Variants in AXIN1 observed in about 807,000 individuals in gnomAD.
The protein encoded by AXIN1 is axin 1, also known as axin-1.
In AXIN1, 30 loss-of-function variants were observed where a neutral mutation model predicts 76.4. The observed-to-expected ratio is 0.39, with a 90% CI of 0.29 to 0.53. The LOEUF (loss-of-function observed/expected upper bound fraction) is 0.53. AXIN1 is among the 20% of genes least tolerant of loss of function. The pLI, the probability that AXIN1 is intolerant of heterozygous loss-of-function variation, is 0.66. For synonymous variants in AXIN1, 545 were observed against 501.4 expected (o/e 1.09, Z -1.16); for missense variants, 1,140 against 1,198.8 (o/e 0.95, Z 0.72).
intron 3 of AXIN1, among the ~76,000 whole-genome samples, chr16:313,722 G>C (rs908309563): frequency 7.9e-5 from 12 of 152,258 alleles, no homozygotes; most frequent in African/African-American, 2.9e-4. Context: ...CTGGCAGCCA[G>C]TGCCCTACTG....
In AXIN1 at chr16:301,642, T is replaced by A. The variant is rs562405898; in HGVS notation, c.1254+2662A>T. 1.5e-4 allele frequency among the ~76,000 whole-genome samples: 23 copies of A among 152,198 alleles called. 1 individual carries two copies. Among genetic ancestry groups the A allele is most frequent in the African/African-American group, 3.9e-4 (16 of 41,530 alleles). ...TCCATCTCTACAAAAATATTTTTTT[T>A]AAAAAATGTCTCACTCAAAATGGGA... On this transcript the variant is annotated intron_variant, in intron 5 of 10. Coordinates refer to ENST00000262320, the MANE Select transcript of AXIN1 (RefSeq NM_003502.4).
Position 287,953 on chromosome 16 carries a change from C to T in AXIN1, c.*169G>A. 1 of 1,107,498 alleles carries T rather than the reference C, an allele frequency of 9.0e-7. No homozygotes were observed. Among genetic ancestry groups the T allele is most frequent in the Non-Finnish European group, 1.3e-6 (1 of 744,988 alleles). The allele number at this position is 1,107,498 out of a possible 1,614,324, so 68.6% of individuals were successfully genotyped here. On this transcript the variant is annotated 3_prime_UTR_variant, in exon 11 of 11. Transcript: ENST00000262320. Reference sequence around the variant, plus strand: ...GGGGGCAGGACAGAAGCTTGTGGACCACTTGGAGGGACCCCCTACCTGCCT... The same window carrying T: ...GGGGGCAGGACAGAAGCTTGTGGACTACTTGGAGGGACCCCCTACCTGCCT...
intron 3 of AXIN1, among the ~76,000 whole-genome samples, chr16:314,077 G>A (rs2053244336): frequency 6.6e-6 from 1 of 152,226 alleles, no homozygotes; most frequent in South Asian, 2.1e-4. Flanking sequence ...GCCTGTGCCT[G>A]TCTTTAAGCT....
chr16:309,606 G>A (rs1458689805), intron 4 of AXIN1, among the ~76,000 whole-genome samples: 2 of 152,200 alleles, frequency 1.3e-5, no homozygotes, highest in Non-Finnish European at 2.9e-5. Context: ...TTTTCCCCAA[G>A]GGCTGTGCAG....
intron 2 of AXIN1, among the ~76,000 whole-genome samples, chr16:332,944 A>T (rs986345550): frequency 6.6e-6 from 1 of 152,172 alleles, no homozygotes; most frequent in African/African-American, 2.4e-5. Flanking sequence ...CAACTCTCTG[A>T]GAGGCCAAAG....
chr16:331,286 T>C (rs1479246008), intron 2 of AXIN1, among the ~76,000 whole-genome samples: 2 of 152,230 alleles, frequency 1.3e-5, no homozygotes, highest in African/African-American at 2.4e-5. Flanking sequence ...GTTTGTTCCC[T>C]TGAAGTAATT....
chr16:323,984 G>T (rs1421654537), intron 2 of AXIN1, among the ~76,000 whole-genome samples: 1 of 152,156 alleles, frequency 6.6e-6, no homozygotes, highest in African/African-American at 2.4e-5. Flanking sequence ...GAGCCCCAAA[G>T]CCCACAGGAG....
intron 2 of AXIN1, among the ~76,000 whole-genome samples, chr16:324,825 G>A (rs1375154116): frequency 1.3e-5 from 2 of 152,158 alleles, no homozygotes; most frequent in African/African-American, 4.8e-5. Context: ...TCCGGCAGCC[G>A]CAGGCCCTTC....
chr16:319,872 G>T (rs2053400442), intron 2 of AXIN1, among the ~76,000 whole-genome samples: 1 of 152,162 alleles, frequency 6.6e-6, no homozygotes, highest in Non-Finnish European at 1.5e-5. Context: ...TGATGTGGAG[G>T]GAGCTGGGCC....
chr16:293,480 G>T lies in AXIN1; in HGVS notation c.2186+8C>A, dbSNP rs760350122. ...CAAGACCCACCCCACCCCACGACGC[G>T]GCCGTACCTCTGCTTGGAGGGTGCT... is the stretch of plus-strand genomic sequence containing the variant. On this transcript the variant is annotated splice_region_variant and intron_variant, in intron 8 of 10. Transcript: ENST00000262320. This position sits in a 1 kb window ranked among gnomAD's most constrained non-coding sequence, Gnocchi z 4.6. The T allele has an allele frequency of 6.2e-7, 1 of 1,607,732 alleles. No homozygotes were observed.
intron 4 of AXIN1, among the ~76,000 whole-genome samples, chr16:306,452 G>A (rs1267178973): frequency 6.6e-6 from 1 of 152,246 alleles, no homozygotes; most frequent in Non-Finnish European, 1.5e-5. Context: ...AAGCAGGGTG[G>A]CAGATGGGAG....
intron 2 of AXIN1, among the ~76,000 whole-genome samples, chr16:334,703 A>G (rs1283609717): frequency 2.0e-5 from 3 of 151,634 alleles, no homozygotes; most frequent in Non-Finnish European, 4.4e-5. Flanking sequence ...CAGCACACCA[A>G]TAACATAGCA....
At chr16:308,433 C>T (rs751101212) in intron 4 of AXIN1, among the ~76,000 whole-genome samples, 4 of 152,220 alleles carry the variant, frequency 2.6e-5, no homozygotes, top group Non-Finnish European at 4.4e-5. Context: ...TTTCTACACA[C>T]GAAGACTCTG....
intron 1 of AXIN1, among the ~76,000 whole-genome samples, chr16:350,914 C>T (rs1445966053): frequency 6.6e-6 from 1 of 152,044 alleles, no homozygotes; most frequent in African/African-American, 2.4e-5. Flanking sequence ...GGCGGATCAC[C>T]TGAGGTCGGG....
intron 5 of AXIN1, among the ~76,000 whole-genome samples, chr16:301,527 G>A (rs1002073480): frequency 4.6e-5 from 7 of 151,992 alleles, no homozygotes; most frequent in South Asian, 4.2e-4. Context: ...ACGGTGGCTC[G>A]TGCCTGAAAT....
rs1432364146 is a variant in AXIN1 at position 289,076 on chromosome 16, TTTC to T, written c.2462+361_2462+363del. On this transcript the variant is annotated intron_variant, in intron 10 of 10. Coordinates refer to ENST00000262320, the MANE Select transcript of AXIN1 (RefSeq NM_003502.4). ...TGAGCTGAAATGGCCGGAAGCCCTT[TTTC>T]TTCTTTTTTTTTTTTTGGGCGGGGG... 4.7e-4 allele frequency among the ~76,000 whole-genome samples: 66 copies of T among 141,686 alleles called. 1 individual carries two copies. The highest frequency in any genetic ancestry group is 6.4e-4 in the African/African-American group (23 of 36,062). The allele number at this position is 141,686 out of a possible 152,430, so 93.0% of individuals were successfully genotyped here.
intron 3 of AXIN1, among the ~76,000 whole-genome samples, chr16:312,079 C>T (rs571349644): frequency 1.7e-4 from 26 of 152,288 alleles, no homozygotes; most frequent in African/African-American, 5.3e-4. Flanking sequence ...GTCCTGAAGC[C>T]ACCAACCTAC....
Position 347,106 on chromosome 16 carries a change from C to T in AXIN1, c.-81G>A, listed in dbSNP as rs2141711779. 6.2e-7 allele frequency: 1 copy of T among 1,608,732 alleles called. No homozygotes were observed. The highest frequency in any genetic ancestry group is 8.5e-7 in the Non-Finnish European group (1 of 1,179,598). On this transcript the variant is annotated splice_region_variant and 5_prime_UTR_variant, in exon 2 of 11. Coordinates refer to ENST00000262320, the MANE Select transcript of AXIN1 (RefSeq NM_003502.4). Reference sequence around the variant, plus strand: ...ACAGCTCCAAAGTGAATCAATCTGTCCTGTTGAAACCATTAAGAGGACAAG... The same window carrying T: ...ACAGCTCCAAAGTGAATCAATCTGTTCTGTTGAAACCATTAAGAGGACAAG...
At chr16:350,153 A>C (rs934116173) in intron 1 of AXIN1, among the ~76,000 whole-genome samples, 1 of 152,160 alleles carries the variant, frequency 6.6e-6, no homozygotes, top group African/African-American at 2.4e-5. Context: ...TCTTACAATC[A>C]TGTGTATTTT....
Sources: gnomAD v4.1 joint callset for allele counts (sites outside exome capture counted in the v4.1 genomes callset) on GRCh38, gnomAD v4.1.1 for gene constraint, Gnocchi (gnomAD v3.1) non-coding constraint, MANE v1.5 for transcripts, NCBI Gene and HGNC (gene_info 2026-07-23, HGNC 2026-07-21) for gene names.